The following CYP19A1 variants were observed in gnomAD, a reference collection of about 807,000 sequenced individuals.
The protein encoded by CYP19A1 is cytochrome P450 family 19 subfamily A member 1.
In CYP19A1, 32 loss-of-function variants were observed where a neutral mutation model predicts 44.4. The ratio of observed to expected loss-of-function variants is 0.72; its 90% CI spans 0.54 to 0.97. CYP19A1 has a LOEUF of 0.97. Among genes scored for constraint, CYP19A1 ranks in the 50% least tolerant of loss-of-function variants. The pLI is 0.00. For synonymous variants in CYP19A1, 212 were observed against 215.6 expected (o/e 0.98, Z 0.14); for missense variants, 598 against 637.8 (o/e 0.94, Z 0.67).
chr15:51,337,478 C>A (rs997139812), intron 1 of CYP19A1, among the ~76,000 whole-genome samples: 1 of 152,184 alleles, frequency 6.6e-6, no homozygotes, highest in Non-Finnish European at 1.5e-5. Context: ...CTTTAAAGAA[C>A]TTGAGTAGCA....
In CYP19A1 at chr15:51,215,405, G is replaced by A. The variant is rs28757193; in HGVS notation, c.859-173C>T. Among the ~76,000 whole-genome samples, 76 of 152,306 alleles carry A rather than the reference G, an allele frequency of 5.0e-4. No homozygotes were observed. The East Asian group carries it at 7.3e-3, about 15-fold the overall frequency. Reference sequence around the variant, plus strand: ...GACAATCTTTAGCTGAAAGATGAACGATTAGGCCGACTGTCTATGTATATG... The same window carrying A: ...GACAATCTTTAGCTGAAAGATGAACAATTAGGCCGACTGTCTATGTATATG... On this transcript the variant is annotated intron_variant, in intron 7 of 9. Transcript: ENST00000396402.
chr15:51,317,531 G>C (rs1475332070), intron 1 of CYP19A1, among the ~76,000 whole-genome samples: 2 of 152,220 alleles, frequency 1.3e-5, no homozygotes, highest in African/African-American at 4.8e-5. Flanking sequence ...TGCTGCAGGG[G>C]ATGCAAAGGT....
chr15:51,268,474 A>C (rs915837951), intron 1 of CYP19A1, among the ~76,000 whole-genome samples: 6 of 151,434 alleles, frequency 4.0e-5, no homozygotes, highest in Non-Finnish European at 5.9e-5. Context: ...TAGCTATGCC[A>C]CAGTTTACCC....
chr15:51,287,899 A>T (rs894362940), intron 1 of CYP19A1, among the ~76,000 whole-genome samples: 3 of 152,236 alleles, frequency 2.0e-5, no homozygotes, highest in Non-Finnish European at 4.4e-5. Context: ...CTCAGTGGAA[A>T]AATCAATGGG....
In CYP19A1 at chr15:51,238,354, A is replaced by C. The variant is rs28757167; in HGVS notation, c.146-1345T>G. 8.8e-3 allele frequency among the ~76,000 whole-genome samples: 1,345 copies of C among 152,348 alleles called. 38 individuals carry two copies. The South Asian group carries it at 0.1, about 11-fold the overall frequency. The stretch of plus-strand genomic sequence containing the variant: ...TCATTAGATATATTAACTTTTAATC[A>C]ATTAATATATGCATAATATAATATC... On this transcript the variant is annotated intron_variant, in intron 2 of 9. Coordinates refer to ENST00000396402, the MANE Select transcript of CYP19A1 (RefSeq NM_000103.4).
intron 1 of CYP19A1, among the ~76,000 whole-genome samples, chr15:51,322,587 C>T (rs1332951305): frequency 6.6e-6 from 1 of 152,166 alleles, no homozygotes. Context: ...TCCTAGGCCC[C>T]TTTCAGTCAT....
chr15:51,329,030 C>A (rs945791586), intron 1 of CYP19A1, among the ~76,000 whole-genome samples: 1 of 152,152 alleles, frequency 6.6e-6, no homozygotes, highest in Admixed American at 6.5e-5. Flanking sequence ...TGCCAACTTA[C>A]CCTGCAGACT....
At chr15:51,233,491 C>T (rs371922268) in intron 3 of CYP19A1, among the ~76,000 whole-genome samples, 1 of 152,284 alleles carries the variant, frequency 6.6e-6, no homozygotes, top group East Asian at 1.9e-4. Flanking sequence ...AGTAAGTTTT[C>T]AAGAAATATT....
intron 1 of CYP19A1, among the ~76,000 whole-genome samples, chr15:51,293,242 T>A (rs1405384518): frequency 1.3e-5 from 2 of 152,080 alleles, no homozygotes; most frequent in Non-Finnish European, 2.9e-5. Flanking sequence ...ACACCACCTG[T>A]TCCCCAAAAA....
intron 1 of CYP19A1, among the ~76,000 whole-genome samples, chr15:51,250,995 C>A (rs1434658462): frequency 6.6e-5 from 10 of 152,136 alleles, no homozygotes; most frequent in Admixed American, 5.9e-4. Flanking sequence ...GTACAAGACC[C>A]AGAGACCACA....
chr15:51,319,963 G>T (rs998848114), intron 1 of CYP19A1, among the ~76,000 whole-genome samples: 1 of 152,176 alleles, frequency 6.6e-6, no homozygotes, highest in Non-Finnish European at 1.5e-5. Context: ...ACCTTCTGAG[G>T]GTCACAGAGC....
chr15:51,268,121 ATAAG>A (rs559093186), intron 1 of CYP19A1, among the ~76,000 whole-genome samples: 19 of 152,352 alleles, frequency 1.2e-4, no homozygotes, highest in African/African-American at 4.1e-4. Flanking sequence ...TCGCCAAAGC[ATAAG>A]TAACATGCAA....
At position 51,266,275 on chromosome 15, in the gene CYP19A1, A is replaced by C. The variant is rs28757142; in HGVS notation, c.-38-23325T>G. Among the ~76,000 whole-genome samples, 666 of 152,380 alleles carry C rather than the reference A, an allele frequency of 4.4e-3. 2 individuals are homozygous for C. The highest frequency in any genetic ancestry group is 0.015 in the African/African-American group (640 of 41,598). On this transcript the variant is annotated intron_variant, in intron 1 of 9. Coordinates refer to ENST00000396402, the MANE Select transcript of CYP19A1 (RefSeq NM_000103.4). ...AAGGCACTTGCATCTCCACGGACAG[A>C]GCAGGGCAAGCACTGGAGCATCCTA...
Position 51,273,884 on chromosome 15 carries a change from G to A in CYP19A1, c.-38-30934C>T, listed in dbSNP as rs1046821715. Among the ~76,000 whole-genome samples the A allele has an allele frequency of 3.9e-4, 59 of 152,166 alleles. 2 individuals carry two copies. The highest frequency in any genetic ancestry group is 2.0e-3 in the Admixed American group (31 of 15,280). ...TAGCCGGGCATGGTGGCAGGCGCCT[G>A]TAATCCCTGCTACTTGGGAGGCTGA... On this transcript the variant is annotated intron_variant, in intron 1 of 9. Transcript: ENST00000396402.
rs2036134891 is a variant in CYP19A1, at chr15:51,302,473, C to T, written c.-39+36022G>A. Among the ~76,000 whole-genome samples, 3 of 152,208 alleles carry T rather than the reference C, an allele frequency of 2.0e-5. No homozygotes were observed. The South Asian group carries it at 6.2e-4, about 32-fold the overall frequency. On this transcript the variant is annotated intron_variant, in intron 1 of 9. Coordinates refer to ENST00000396402, the MANE Select transcript of CYP19A1 (RefSeq NM_000103.4). ...CCAAGTCTGAGTTCTCAACTTTTAGCTAATTCAAAACAGTGGCCTATTTTC... is the reference window on the plus strand; with the variant it reads ...CCAAGTCTGAGTTCTCAACTTTTAGTTAATTCAAAACAGTGGCCTATTTTC...
intron 1 of CYP19A1, among the ~76,000 whole-genome samples, chr15:51,327,356 C>T (rs970071088): frequency 4.6e-5 from 7 of 152,138 alleles, no homozygotes; most frequent in East Asian, 1.9e-4. Flanking sequence ...TGGTAGAAAA[C>T]ACAAAGCAGT....
chr15:51,325,520 C>G (rs894890093), intron 1 of CYP19A1, among the ~76,000 whole-genome samples: 8 of 152,102 alleles, frequency 5.3e-5, no homozygotes, highest in African/African-American at 1.9e-4. Context: ...CTCTATATGC[C>G]CATTGTACGC....
At chr15:51,297,390 G>T (rs997404627) in intron 1 of CYP19A1, among the ~76,000 whole-genome samples, 1 of 152,156 alleles carries the variant, frequency 6.6e-6, no homozygotes, top group Non-Finnish European at 1.5e-5. Flanking sequence ...TAGGTCCACC[G>T]GGGGAGACAG....
chr15:51,256,596 TA>T (rs1431851280), intron 1 of CYP19A1, among the ~76,000 whole-genome samples: 1 of 152,132 alleles, frequency 6.6e-6, no homozygotes, highest in Non-Finnish European at 1.5e-5. Flanking sequence ...AAATACCAAA[TA>T]TACCATTTAA....
Sources: gnomAD v4.1 joint callset for allele counts (sites outside exome capture counted in the v4.1 genomes callset) on GRCh38, gnomAD v4.1.1 for gene constraint, MANE v1.5 for transcripts, NCBI Gene and HGNC (gene_info 2026-07-23, HGNC 2026-07-21) for gene names.